TNNT2: variants seen among roughly 807,000 people sequenced by gnomAD.
TNNT2 encodes troponin T, cardiac muscle.
A neutral mutation model predicts 62.4 loss-of-function variants in TNNT2; 34 were observed. That is an observed-to-expected ratio of 0.54 (90% confidence interval 0.41 to 0.72). The LOEUF is 0.72. Among genes scored for constraint, TNNT2 ranks in the 30% least tolerant of loss-of-function variants. TNNT2 has a pLI of 0.00. For synonymous variants in TNNT2, 123 were observed against 127.2 expected, an observed-to-expected ratio of 0.97 and a Z score of 0.22; for missense variants, 275 against 381.9, an observed-to-expected ratio of 0.72 and a Z score of 2.33.
intron 11 of TNNT2, chr1:201,363,821 T>C (rs887668138): frequency 6.5e-6 from 2 of 305,510 alleles, no homozygotes; most frequent in East Asian, 8.4e-5. Flanking sequence ...TGTTTGCTGA[T>C]GTATTATCAG....
At chr1:201,372,002 C>G in intron 4 of TNNT2, 25 bp downstream of exon 4, 5 of 1,613,960 alleles carry the variant, frequency 3.1e-6, no homozygotes, top group Non-Finnish European at 1.7e-6. Flanking sequence ...CCCTTTCTGG[C>G]TCTCCACCTG....
At chr1:201,368,066 G>A (rs1358640941) in intron 6 of TNNT2, 96 bp downstream of exon 6, 2 of 1,299,490 alleles carry the variant, frequency 1.5e-6, no homozygotes, top group African/African-American at 1.5e-5. Context: ...GTGCACATGG[G>A]AAAGCCTGTT....
At chr1:201,365,574 C>T in intron 9 of TNNT2, 36 bp downstream of exon 9, 12 of 1,607,098 alleles carry the variant, frequency 7.5e-6, no homozygotes, top group Non-Finnish European at 9.4e-6. Flanking sequence ...GGACTATCCC[C>T]AGCCCAGGCC....
intron 13 of TNNT2, 42 bp from the exon 14 acceptor site, chr1:201,362,064 C>A (rs749989173): frequency 1.2e-6 from 2 of 1,602,672 alleles, no homozygotes; most frequent in African/African-American, 1.3e-5. Flanking sequence ...CAGATTGCCC[C>A]CTCCCTGTCC....
intron 11 of TNNT2, chr1:201,363,824 A>G (rs568233502): frequency 4.9e-4 from 147 of 302,092 alleles, no homozygotes; most frequent in Non-Finnish European, 8.1e-4. Context: ...TTGCTGATGT[A>G]TTATCAGAGC....
At chr1:201,363,211 C>T in intron 12 of TNNT2, 85 bp downstream of exon 12, 1 of 1,610,822 alleles carries the variant, frequency 6.2e-7, no homozygotes, top group Non-Finnish European at 8.5e-7. Context: ...TGGGACCTGA[C>T]CTAAAGTCTA....
intron 15 of TNNT2, 122 bp from the exon 16 acceptor site, chr1:201,359,785 G>T: frequency 1.2e-6 from 1 of 857,258 alleles, no homozygotes; most frequent in Non-Finnish European, 1.9e-6. Context: ...GGAGGAGCAT[G>T]GAAGAGTAGG....
At position 201,363,382 on chromosome 1, in the gene TNNT2, C is replaced by T; in HGVS notation, c.514G>A (p.Glu172Lys). The change falls in exon 12 of 17, where the codon GAG becomes AAG. Residue 172 changes from glutamate to lysine, a missense_variant. Coordinates refer to ENST00000656932, the MANE Select transcript of TNNT2 (RefSeq NM_001276345.2). ...TCCTCAGCCTTCCTCCTGTTCTCCT[C>T]CTCCTCTCGTCGAGCCCTCTCTTCC... Reference protein sequence around the residue: ...LAEERARREEEENRRKAEDEA... With the variant: ...LAEERARREEKENRRKAEDEA... The T allele has an allele frequency of 6.2e-7, 1 of 1,614,202 alleles. No individual in the cohort carries two copies. Among genetic ancestry groups the T allele is most frequent in the South Asian group, 1.1e-5 (1 of 91,080 alleles).
chr1:201,377,213 T>A (rs1661529268), intron 1 of TNNT2, among the ~76,000 whole-genome samples: 1 of 152,188 alleles, frequency 6.6e-6, no homozygotes, highest in Non-Finnish European at 1.5e-5. Flanking sequence ...ACCCTCGGCC[T>A]GGAACAAGCA....
At chr1:201,371,122 C>A (rs1230741522) in intron 4 of TNNT2, among the ~76,000 whole-genome samples, 1 of 152,180 alleles carries the variant, frequency 6.6e-6, no homozygotes, top group African/African-American at 2.4e-5. Context: ...CTGGGCTCCC[C>A]CCTTGGACCT....
chr1:201,362,270 C>A, intron 13 of TNNT2, 116 bp downstream of exon 13: 2 of 1,522,750 alleles, frequency 1.3e-6, no homozygotes, highest in Admixed American at 1.9e-5. Flanking sequence ...ACCAGCTTCC[C>A]CCCTCCCCAG....
chr1:201,373,356 C>T (rs1459075720), intron 1 of TNNT2, 88 bp from the exon 2 acceptor site: 13 of 1,195,498 alleles, frequency 1.1e-5, no homozygotes, highest in South Asian at 7.3e-5. Context: ...CAGAGATCAG[C>T]GAGGCCTAGG....
At position 201,368,240 on chromosome 1, in the gene TNNT2, A is replaced by G; in HGVS notation, c.98-13T>C. On this transcript the variant is annotated splice_polypyrimidine_tract_variant and intron_variant, in intron 5 of 16. Transcript: ENST00000656932. The stretch of plus-strand genomic sequence containing the variant: ...GCCTCCTCCTGCTCTGGAGAAGTGA[A>G]GCAGACAGAGTGAAGAAGCAGGCCC... 1 of 1,613,936 alleles carries G rather than the reference A, an allele frequency of 6.2e-7. No homozygotes were observed. The highest frequency in any genetic ancestry group is 8.5e-7 in the Non-Finnish European group (1 of 1,179,906).
chr1:201,367,728 G>A, intron 7 of TNNT2, 43 bp downstream of exon 7: 1 of 1,607,778 alleles, frequency 6.2e-7, no homozygotes. Context: ...CTGCTGTGAG[G>A]GGTTCCTTTG....
chr1:201,369,743 G>A, intron 5 of TNNT2, 73 bp downstream of exon 5: 1 of 1,600,034 alleles, frequency 6.2e-7, no homozygotes. Flanking sequence ...CCCAGAACAG[G>A]GCCCCTGGAC....
chr1:201,373,128 G>A (rs769693956), intron 2 of TNNT2, 86 bp downstream of exon 2: 12 of 1,354,918 alleles, frequency 8.9e-6, no homozygotes, highest in South Asian at 2.3e-5. Flanking sequence ...CCCAGAATCC[G>A]AGGGACAGCT....
At chr1:201,373,092 G>A (rs1454685358) in intron 2 of TNNT2, 122 bp downstream of exon 2, 4 of 974,864 alleles carry the variant, frequency 4.1e-6, no homozygotes, top group African/African-American at 3.2e-5. Flanking sequence ...TCCTCGGGGT[G>A]CCCAAAACAC....
intron 8 of TNNT2, 128 bp from the exon 9 acceptor site, chr1:201,365,798 G>A (rs1397756110): frequency 6.5e-7 from 1 of 1,546,142 alleles, no homozygotes; most frequent in East Asian, 2.4e-5. Flanking sequence ...CCACAGCAAT[G>A]ATAGTAACAC....
chr1:201,359,305 GGTCACCA>G (rs1658150147), intron 16 of TNNT2, 50 bp from the exon 17 acceptor site: 1 of 1,594,794 alleles, frequency 6.3e-7, no homozygotes, highest in African/African-American at 1.3e-5. Context: ...CAGGGTAGTA[GGTCACCA>G]TGCGGCTGGG....
Sources: allele counts gnomAD v4.1 joint callset (sites outside exome capture counted in the v4.1 genomes callset), GRCh38; gene constraint gnomAD v4.1.1; transcripts MANE v1.5; gene names NCBI Gene and HGNC (gene_info 2026-07-23, HGNC 2026-07-21).